Variants in TRIT1 observed in about 807,000 individuals in gnomAD.
TRIT1 encodes the protein tRNA dimethylallyltransferase.
Under a neutral mutation model 51.2 loss-of-function variants are expected in TRIT1, and 43 were observed. The observed-to-expected ratio is 0.84, with a 90% CI of 0.66 to 1.08. The LOEUF is 1.08. TRIT1 is among the 50% of genes least tolerant of loss of function. The pLI is 0.00. For synonymous variants in TRIT1, 184 were observed against 203.9 expected (o/e 0.90, Z 0.83); for missense variants, 528 against 578.4 (o/e 0.91, Z 0.89).
intron 1 of TRIT1, among the ~76,000 whole-genome samples, chr1:39,859,224 C>T (rs1643082213): frequency 7.7e-6 from 1 of 129,370 alleles, no homozygotes; most frequent in Admixed American, 9.5e-5. Flanking sequence ...CCATTGCGTT[C>T]CAGCCTGGGC....
chr1:39,873,202 C>T (rs1643936798), intron 1 of TRIT1, among the ~76,000 whole-genome samples: 1 of 152,144 alleles, frequency 6.6e-6, no homozygotes, highest in African/African-American at 2.4e-5. Context: ...GTGACTTTTT[C>T]AGTGGAGAAA....
At position 39,839,544 on chromosome 1, in the gene TRIT1, C is replaced by G. The variant is rs571618762; in HGVS notation, c.*2200G>C. Among the ~76,000 whole-genome samples the G allele has an allele frequency of 6.6e-6, 1 of 152,344 alleles. No individual in the cohort carries two copies. Among genetic ancestry groups the G allele is most frequent in the South Asian group, 2.1e-4 (1 of 4,822 alleles). On this transcript the variant is annotated 3_prime_UTR_variant, in exon 11 of 11. Coordinates refer to ENST00000316891, the MANE Select transcript of TRIT1 (RefSeq NM_017646.6). ...GGGGAGCAGGCACAAAAGGGGAAAT[C>G]TACTCAGGGCAATGCTTCAGACCAG...
At chr1:39,879,455 C>A (rs1312831348) in intron 1 of TRIT1, among the ~76,000 whole-genome samples, 1 of 151,448 alleles carries the variant, frequency 6.6e-6, no homozygotes. Flanking sequence ...GTGATAATAT[C>A]CATTTTATGA....
chr1:39,871,757 A>G (rs1643889222), intron 1 of TRIT1, among the ~76,000 whole-genome samples: 1 of 152,208 alleles, frequency 6.6e-6, no homozygotes, highest in Admixed American at 6.5e-5. Context: ...GGGGTTGACT[A>G]CAAAGGGGCC....
At chr1:39,856,683 T>G (rs554145389) in intron 2 of TRIT1, among the ~76,000 whole-genome samples, 1 of 152,220 alleles carries the variant, frequency 6.6e-6, no homozygotes, top group East Asian at 1.9e-4. Flanking sequence ...CAATCCCCCT[T>G]ATATTATTCT....
rs544993388 is a variant in TRIT1 at position 39,853,902 on chromosome 1, C to T, written c.414+68G>A. The T allele has an allele frequency of 2.0e-5, 22 of 1,087,818 alleles. No individual in the cohort carries two copies. In the African/African-American group the frequency reaches 3.3e-4, roughly 16 times the overall value. 67.4% of individuals were successfully genotyped at this position (1,087,818 alleles called of 1,614,324 possible). A position where few individuals can be genotyped will look rare whatever the true frequency, so the allele number is the denominator to read the frequency against. ...AAATAGGCAAGAGTCAACCTTTCTCCCACTGAAATTAGACAGCAAGAAAGA... is the reference window on the plus strand; with the variant it reads ...AAATAGGCAAGAGTCAACCTTTCTCTCACTGAAATTAGACAGCAAGAAAGA... On this transcript the variant is annotated intron_variant, in intron 3 of 10. Transcript: ENST00000316891.
chr1:39,876,308 C>G (rs1208027642), intron 1 of TRIT1, among the ~76,000 whole-genome samples: 1 of 152,194 alleles, frequency 6.6e-6, no homozygotes, highest in Non-Finnish European at 1.5e-5. Flanking sequence ...GAATCTGAAT[C>G]TGCAAGCCTC....
At chr1:39,853,567 T>A (rs1431197190) in intron 3 of TRIT1, among the ~76,000 whole-genome samples, 1 of 151,916 alleles carries the variant, frequency 6.6e-6, no homozygotes, top group Non-Finnish European at 1.5e-5. Context: ...GGCTAATTTT[T>A]GTATTTTTAG....
chr1:39,851,608 C>T (rs1050575417), intron 4 of TRIT1, among the ~76,000 whole-genome samples: 1 of 151,858 alleles, frequency 6.6e-6, no homozygotes, highest in African/African-American at 2.4e-5. Context: ...ACAATTTGTG[C>T]CCCACCCCCC....
intron 1 of TRIT1, among the ~76,000 whole-genome samples, chr1:39,875,171 C>T (rs1417870436): frequency 6.6e-6 from 1 of 152,058 alleles, no homozygotes; most frequent in Non-Finnish European, 1.5e-5. Flanking sequence ...TTCTCTAACC[C>T]ACTCTCCACC....
intron 1 of TRIT1, among the ~76,000 whole-genome samples, chr1:39,865,382 T>G (rs554085248): frequency 6.6e-6 from 1 of 152,382 alleles, no homozygotes; most frequent in East Asian, 1.9e-4. Flanking sequence ...GAACTTTCTC[T>G]GGGTGACACC....
At chr1:39,861,379 A>T (rs977673359) in intron 1 of TRIT1, among the ~76,000 whole-genome samples, 4 of 152,152 alleles carry the variant, frequency 2.6e-5, no homozygotes, top group Non-Finnish European at 5.9e-5. Flanking sequence ...CAACAACAAA[A>T]ACTGGAAGAA....
chr1:39,878,840 C>T (rs1644152179), intron 1 of TRIT1, among the ~76,000 whole-genome samples: 1 of 152,196 alleles, frequency 6.6e-6, no homozygotes, highest in African/African-American at 2.4e-5. Flanking sequence ...CATCAGGTGG[C>T]TTCCAGTCAG....
Position 39,854,087 on chromosome 1 carries a change from A to G in TRIT1, c.316-19T>C. 6.5e-7 allele frequency: 1 copy of G among 1,527,702 alleles called. No homozygotes were observed. Among genetic ancestry groups the G allele is most frequent in the Non-Finnish European group, 9.0e-7 (1 of 1,111,542 alleles). The allele number at this position is 1,527,702 out of a possible 1,614,324, so 94.6% of individuals were successfully genotyped here. On this transcript the variant is annotated intron_variant, in intron 2 of 10. Coordinates refer to ENST00000316891, the MANE Select transcript of TRIT1 (RefSeq NM_017646.6). ...CTTCAATGTGAACATTAAGAAAGAT[A>G]TCACGATATCAAGAGAATCCTGACT...
chr1:39,852,654 A>C (rs984530128), intron 4 of TRIT1, 77 bp downstream of exon 4: 3 of 1,535,992 alleles, frequency 2.0e-6, no homozygotes, highest in Non-Finnish European at 2.6e-6. Flanking sequence ...AATCTCTCTC[A>C]TCATCTGGGC....
rs554765021 is a variant in TRIT1, at chr1:39,839,198, C to T, written c.*2546G>A. Among the ~76,000 whole-genome samples the T allele has an allele frequency of 1.4e-3, 214 of 152,266 alleles. No homozygotes were observed. Among genetic ancestry groups the T allele is most frequent in the Non-Finnish European group, 2.6e-3 (174 of 68,020 alleles). The stretch of plus-strand genomic sequence containing the variant: ...GGCTCTGGATACCTGGACTGGAGGG[C>T]TCTGCTTGCCTTGGGATTGCTATGG... On this transcript the variant is annotated 3_prime_UTR_variant, in exon 11 of 11. Transcript: ENST00000316891.
chr1:39,860,881 C>G (rs1367579197), intron 1 of TRIT1, among the ~76,000 whole-genome samples: 1 of 152,166 alleles, frequency 6.6e-6, no homozygotes, highest in Non-Finnish European at 1.5e-5. Context: ...AGTTCAAGAC[C>G]AGCCTGACCA....
In TRIT1 at chr1:39,859,542, C is replaced by T. The variant is rs1403583488; in HGVS notation, c.175-2125G>A. ...AGGCTGCAGCGAGCCGAGATCATAC[C>T]ACTGCACTCCAGCCTGGGCAATAGA... On this transcript the variant is annotated intron_variant, in intron 1 of 10. Transcript: ENST00000316891. Among the ~76,000 whole-genome samples the T allele has an allele frequency of 2.6e-5, 4 of 151,054 alleles. No individual in the cohort carries two copies. In the East Asian group the frequency reaches 5.8e-4, roughly 22 times the overall value.
intron 1 of TRIT1, among the ~76,000 whole-genome samples, chr1:39,868,798 G>A (rs959806164): frequency 6.6e-6 from 1 of 151,962 alleles, no homozygotes; most frequent in Non-Finnish European, 1.5e-5. Context: ...GGTGGCTCAC[G>A]CCTGTAATCC....
Sources: allele counts gnomAD v4.1 joint callset (sites outside exome capture counted in the v4.1 genomes callset), GRCh38; gene constraint gnomAD v4.1.1; transcripts MANE v1.5; gene names NCBI Gene and HGNC (gene_info 2026-07-23, HGNC 2026-07-21).